Variants in CHN2 observed in about 807,000 individuals in gnomAD.
The protein encoded by CHN2 is beta-chimaerin.
A neutral mutation model predicts 56.3 loss-of-function variants in CHN2; 35 were observed. The observed-to-expected ratio is 0.62, with a 90% CI of 0.47 to 0.82. The LOEUF (loss-of-function observed/expected upper bound fraction) is 0.82. Among genes scored for constraint, CHN2 ranks in the 40% least tolerant of loss-of-function variants. The probability of loss-of-function intolerance (pLI) is 0.00; values close to 1 mark genes in which losing one functional copy is unlikely to be tolerated. For missense variants in CHN2, 491 were observed against 580.5 expected (o/e 0.85, Z 1.58); for synonymous variants, 210 against 212.8 (o/e 0.99, Z 0.12).
At chr7:29,386,586 A>C (rs1354965972) in intron 3 of CHN2, among the ~76,000 whole-genome samples, 1 of 151,882 alleles carries the variant, frequency 6.6e-6, no homozygotes, top group Non-Finnish European at 1.5e-5. Context: ...TATCTAGGCA[A>C]TGATAATCTG....
At chr7:29,500,365 C>T (rs989357813) in intron 9 of CHN2, among the ~76,000 whole-genome samples, 1 of 152,210 alleles carries the variant, frequency 6.6e-6, no homozygotes, top group Non-Finnish European at 1.5e-5. Context: ...TGGCTAACGC[C>T]TGTAATCCCA....
At chr7:29,290,941 G>T (rs116521422) in intron 1 of CHN2, among the ~76,000 whole-genome samples, 4,879 of 152,232 alleles carry the variant, frequency 0.032, 248 homozygotes, top group African/African-American at 0.11. Flanking sequence ...AGATTCAAGC[G>T]TGTGGTTAGA....
chr7:29,382,963 G>A (rs180780896), intron 3 of CHN2, among the ~76,000 whole-genome samples: 65 of 152,240 alleles, frequency 4.3e-4, no homozygotes, highest in African/African-American at 1.3e-3. Context: ...ATGTCGTGGG[G>A]CAAGAGCATG....
chr7:29,380,259 C>T (rs1484036977), intron 3 of CHN2, among the ~76,000 whole-genome samples: 4 of 150,022 alleles, frequency 2.7e-5, no homozygotes, highest in African/African-American at 9.8e-5. Context: ...CAATATCACC[C>T]CTAAAGTGGA....
At chr7:29,222,778 C>T (rs984125844) in intron 1 of CHN2, among the ~76,000 whole-genome samples, 1 of 151,772 alleles carries the variant, frequency 6.6e-6, no homozygotes, top group African/African-American at 2.4e-5. Flanking sequence ...TACAAAACAC[C>T]AAGAATAACT....
intron 1 of CHN2, among the ~76,000 whole-genome samples, chr7:29,252,506 G>A (rs1352634385): frequency 6.8e-6 from 1 of 148,068 alleles, no homozygotes; most frequent in Non-Finnish European, 1.5e-5. Flanking sequence ...AGGATTACAC[G>A]AGATAGTCTG....
intron 6 of CHN2, among the ~76,000 whole-genome samples, chr7:29,405,445 T>C (rs1308649864): frequency 2.6e-5 from 4 of 152,144 alleles, no homozygotes; most frequent in African/African-American, 7.2e-5. Context: ...GCTTTCTTCC[T>C]TCCTGGCATT....
chr7:29,470,397 T>C (rs2128144402), intron 6 of CHN2, among the ~76,000 whole-genome samples: 1 of 152,322 alleles, frequency 6.6e-6, no homozygotes, highest in Admixed American at 6.5e-5. Flanking sequence ...CAGCTGTGAG[T>C]GGCGCCAAGG....
At chr7:29,495,125 A>G (rs1479232356) in intron 7 of CHN2, among the ~76,000 whole-genome samples, 1 of 152,142 alleles carries the variant, frequency 6.6e-6, no homozygotes, top group Non-Finnish European at 1.5e-5. Context: ...GTCATTTTAG[A>G]TTGACCATGG....
At chr7:29,393,818 G>A in intron 4 of CHN2, 108 bp downstream of exon 4, 1 of 361,878 alleles carries the variant, frequency 2.8e-6, no homozygotes, top group Non-Finnish European at 4.7e-6. Flanking sequence ...TATGTCTATT[G>A]TGCAAGAGTT....
chr7:29,470,189 C>G (rs935262622), intron 6 of CHN2, among the ~76,000 whole-genome samples: 1 of 152,340 alleles, frequency 6.6e-6, no homozygotes, highest in Admixed American at 6.5e-5. Context: ...AGGGACAACA[C>G]AGTCCTACGC....
At chr7:29,155,344 A>C (rs906310067) in intron 2 of CHN2, among the ~76,000 whole-genome samples, 3 of 152,254 alleles carry the variant, frequency 2.0e-5, no homozygotes. Context: ...GCTAAGAGGA[A>C]AGACAAGGCT....
intron 3 of CHN2, among the ~76,000 whole-genome samples, chr7:29,385,597 T>C (rs976472639): frequency 7.9e-5 from 12 of 152,288 alleles, no homozygotes; most frequent in African/African-American, 2.9e-4. Context: ...CCCGCTGAGT[T>C]GTGTAGGTTT....
intron 1 of CHN2, among the ~76,000 whole-genome samples, chr7:29,264,511 C>T (rs1053912621): frequency 6.6e-6 from 1 of 152,204 alleles, no homozygotes; most frequent in African/African-American, 2.4e-5. Context: ...TATGACCTTA[C>T]GCCCAACCCC....
chr7:29,316,315 A>G (rs1049479436), intron 1 of CHN2, among the ~76,000 whole-genome samples: 1 of 152,242 alleles, frequency 6.6e-6, no homozygotes, highest in East Asian at 1.9e-4. Context: ...ATCAGGTCTT[A>G]TAAGATGCCT....
chr7:29,370,624 C>A (rs1366277038), intron 3 of CHN2, among the ~76,000 whole-genome samples: 2 of 152,054 alleles, frequency 1.3e-5, no homozygotes, highest in African/African-American at 4.8e-5. Flanking sequence ...TCTCTGATGA[C>A]TCATACTTTC....
intron 1 of CHN2, among the ~76,000 whole-genome samples, chr7:29,280,383 CATAAATAAATAAATA>C (rs1258997495): frequency 6.7e-6 from 1 of 150,304 alleles, no homozygotes; most frequent in Admixed American, 6.6e-5. Flanking sequence ...GGCTCCGTCT[CATAAATAAATAAATA>C]AATAAATAAA....
intron 2 of CHN2, among the ~76,000 whole-genome samples, chr7:29,363,487 ACACCACCAC>A (rs968469952): frequency 1.3e-5 from 2 of 152,000 alleles, no homozygotes; most frequent in Non-Finnish European, 2.9e-5. Context: ...TCCATCTCAA[ACACCACCAC>A]CACCACCACC....
intron 2 of CHN2, among the ~76,000 whole-genome samples, chr7:29,158,103 T>C (rs548344262): frequency 6.4e-4 from 98 of 152,106 alleles, no homozygotes; most frequent in Non-Finnish European, 1.1e-3. Context: ...CAAATTCCCA[T>C]CTCCACTGAA....
Sources: gnomAD v4.1 joint callset for allele counts (sites outside exome capture counted in the v4.1 genomes callset) on GRCh38, gnomAD v4.1.1 for gene constraint, MANE v1.5 for transcripts, NCBI Gene and HGNC (gene_info 2026-07-23, HGNC 2026-07-21) for gene names.